Variants in HHLA2 observed in about 807,000 individuals in gnomAD.
The protein encoded by HHLA2 is HHLA2 member of B7 family.
HHLA2 carries 48 observed loss-of-function variants against 45.9 expected under a neutral mutation model. The ratio of observed to expected loss-of-function variants is 1.05; its 90% CI spans 0.83 to 1.33. The LOEUF (loss-of-function observed/expected upper bound fraction) is 1.33. Ranked by LOEUF, HHLA2 falls within the 40% of genes most tolerant of loss-of-function variation. The pLI is 0.00. For missense variants in HHLA2, 462 were observed against 494.3 expected, an observed-to-expected ratio of 0.93 and a Z score of 0.62; for synonymous variants, 161 against 173.9, an observed-to-expected ratio of 0.93 and a Z score of 0.59.
intron 2 of HHLA2, among the ~76,000 whole-genome samples, chr3:108,325,339 G>A (rs534789640): frequency 6.6e-6 from 1 of 152,292 alleles, no homozygotes; most frequent in South Asian, 2.1e-4. Context: ...TAGTTCTTCA[G>A]TTTTTTGCCC....
rs1031019863 is a variant in HHLA2 at position 108,347,102 on chromosome 3, C to A, written c.-26-4686C>A. ...GCAACTTGGGCAACTTCAGTATAAT[C>A]TAAGGTGGAAGCTTTCTGCTGCTTT... On this transcript the variant is annotated intron_variant, in intron 3 of 10. Transcript: ENST00000619531. Among the ~76,000 whole-genome samples the A allele has an allele frequency of 2.0e-5, 3 of 152,124 alleles. No homozygotes were observed. The East Asian group carries it at 5.8e-4, about 29-fold the overall frequency.
At chr3:108,354,478 G>A (rs1486478936) in intron 5 of HHLA2, among the ~76,000 whole-genome samples, 1 of 151,870 alleles carries the variant, frequency 6.6e-6, no homozygotes, top group Non-Finnish European at 1.5e-5. Context: ...GAGCTTCATG[G>A]CTCCTAATTA....
Position 108,368,535 on chromosome 3 carries a change from C to CAAAAAAAAAAAAAAAAAAAA in HHLA2, c.1108+6105_1108+6124dup, listed in dbSNP as rs55718572. 6.0e-4 allele frequency among the ~76,000 whole-genome samples: 4 copies of CAAAAAAAAAAAAAAAAAAAA among 6,622 alleles called. 1 individual carries two copies. Among genetic ancestry groups the CAAAAAAAAAAAAAAAAAAAA allele is most frequent in the Non-Finnish European group, 7.5e-4 (3 of 4,024 alleles). 4.3% of individuals were successfully genotyped at this position (6,622 alleles called of 152,430 possible). On this transcript the variant is annotated intron_variant, in intron 8 of 10. Transcript: ENST00000619531. ...GAATATTTACCAAGCAAACGAAGAG[C>CAAAAAAAAAAAAAAAAAAAA]AAAAAAAAAAAAAAAAAAAAAAAAA...
chr3:108,352,286 G>A (rs9830970), intron 4 of HHLA2, among the ~76,000 whole-genome samples: 1,973 of 152,266 alleles, frequency 0.013, 46 homozygotes, highest in African/African-American at 0.045. Context: ...GAGATCGACA[G>A]TCACTCTTTT....
At chr3:108,298,917 G>A (rs1018037821) in intron 1 of HHLA2, among the ~76,000 whole-genome samples, 1 of 144,280 alleles carries the variant, frequency 6.9e-6, no homozygotes, top group Non-Finnish European at 1.5e-5. Context: ...CAGCTTCCTT[G>A]CTTTAATACT....
exon 9 of HHLA2, chr3:108,375,797 C>A: frequency 6.2e-7 from 1 of 1,610,512 alleles, no homozygotes; most frequent in Non-Finnish European, 8.5e-7. Flanking sequence ...TGGAGCCCAA[C>A]AAGGTCAGCC....
intron 3 of HHLA2, among the ~76,000 whole-genome samples, chr3:108,344,670 C>T (rs1476362609): frequency 6.6e-6 from 1 of 152,154 alleles, no homozygotes; most frequent in African/African-American, 2.4e-5. Context: ...CTCACATGTG[C>T]ACATGTTCAA....
At chr3:108,326,266 C>G (rs1421316209) in intron 2 of HHLA2, 1 of 166,860 alleles carries the variant, frequency 6.0e-6, no homozygotes, top group Non-Finnish European at 1.3e-5. Context: ...AAGACATACT[C>G]AAGACTGGGT....
intron 1 of HHLA2, among the ~76,000 whole-genome samples, chr3:108,296,829 C>T (rs566279435): frequency 5.3e-5 from 8 of 152,254 alleles, no homozygotes; most frequent in African/African-American, 1.9e-4. Flanking sequence ...AATAAAAGAA[C>T]TTAGCAAAAA....
intron 1 of HHLA2, among the ~76,000 whole-genome samples, chr3:108,299,923 T>A (rs1216609828): frequency 6.6e-6 from 1 of 152,152 alleles, no homozygotes; most frequent in Non-Finnish European, 1.5e-5. Flanking sequence ...CACAGTTGGA[T>A]GACGAGAGTC....
chr3:108,324,927 T>A (rs544786315), intron 2 of HHLA2, among the ~76,000 whole-genome samples: 1 of 152,324 alleles, frequency 6.6e-6, no homozygotes, highest in East Asian at 1.9e-4. Context: ...TATACTTCAT[T>A]GGTTCTTAAA....
chr3:108,316,951 G>A (rs2081112839), intron 2 of HHLA2, among the ~76,000 whole-genome samples: 1 of 152,186 alleles, frequency 6.6e-6, no homozygotes, highest in Admixed American at 6.5e-5. Flanking sequence ...TAGAGGTGAA[G>A]CATGACTTAG....
At chr3:108,336,123 T>C (rs969744994) in intron 3 of HHLA2, among the ~76,000 whole-genome samples, 2 of 152,090 alleles carry the variant, frequency 1.3e-5, no homozygotes, top group African/African-American at 4.8e-5. Flanking sequence ...GGGGAGTTAT[T>C]TGATCAAAAA....
At chr3:108,372,330 T>G (rs2082192213) in intron 8 of HHLA2, among the ~76,000 whole-genome samples, 1 of 151,638 alleles carries the variant, frequency 6.6e-6, no homozygotes, top group African/African-American at 2.4e-5. Context: ...CAAAGCAGTG[T>G]GTAGAGGGAA....
At position 108,298,758 on chromosome 3, in the gene HHLA2, G is replaced by A. The variant is rs943937517; in HGVS notation, c.-192+2159G>A. Among the ~76,000 whole-genome samples the A allele has an allele frequency of 7.2e-5, 11 of 152,148 alleles. No homozygotes were observed. In the East Asian group the frequency reaches 2.1e-3, roughly 29 times the overall value. ...GAGGCTCATTTTAAAATTGAGTAACGAATGGGGGCTTGTTTTTCCTTAGTC... is the reference window on the plus strand; with the variant it reads ...GAGGCTCATTTTAAAATTGAGTAACAAATGGGGGCTTGTTTTTCCTTAGTC... On this transcript the variant is annotated intron_variant, in intron 1 of 10. Coordinates refer to ENST00000619531, the Ensembl canonical transcript of HHLA2.
chr3:108,353,524 G>A, exon 5 of HHLA2: 3 of 1,612,836 alleles, frequency 1.9e-6, no homozygotes, highest in South Asian at 1.1e-5. Context: ...CTTCATTTGA[G>A]AGGGGATCCG....
chr3:108,368,097 C>T (rs1288439926), intron 8 of HHLA2, among the ~76,000 whole-genome samples: 1 of 152,074 alleles, frequency 6.6e-6, no homozygotes, highest in Non-Finnish European at 1.5e-5. Flanking sequence ...AATTTCATAA[C>T]CAGCCAAATT....
exon 4 of HHLA2, chr3:108,351,832 C>A: frequency 1.9e-6 from 3 of 1,613,014 alleles, no homozygotes; most frequent in Non-Finnish European, 2.5e-6. Flanking sequence ...ACAGACAGCA[C>A]TGTCTTTCTT....
chr3:108,321,114 A>G (rs1295058499), intron 2 of HHLA2, among the ~76,000 whole-genome samples: 1 of 147,836 alleles, frequency 6.8e-6, no homozygotes, highest in African/African-American at 2.5e-5. Flanking sequence ...AAAAAAAAAG[A>G]CTGTGCCAAA....
Sources: gnomAD v4.1 joint callset for allele counts (sites outside exome capture counted in the v4.1 genomes callset) on GRCh38, gnomAD v4.1.1 for gene constraint, MANE v1.5 for transcripts, NCBI Gene and HGNC (gene_info 2026-07-23, HGNC 2026-07-21) for gene names.